Variants in STXBP6 observed in about 807,000 individuals in gnomAD.
STXBP6 encodes syntaxin-binding protein 6.
STXBP6 carries 21 observed loss-of-function variants against 26.9 expected under a neutral mutation model. The ratio of observed to expected loss-of-function variants is 0.78; its 90% CI spans 0.55 to 1.12. The LOEUF is 1.12. Ranked by LOEUF, STXBP6 falls within the 50% of genes most tolerant of loss-of-function variation. The pLI is 0.00. For synonymous variants in STXBP6, 97 were observed against 92.6 expected (o/e 1.05, Z -0.27); for missense variants, 232 against 257.9 (o/e 0.90, Z 0.69).
intron 5 of STXBP6, chr14:24,817,809 A>G (rs1274205414): frequency 3.1e-6 from 1 of 326,832 alleles, no homozygotes; most frequent in African/African-American, 2.2e-5. Context: ...AGATCTAGCC[A>G]ATTCTCCTTG....
chr14:24,817,148 A>T (rs983650852), intron 5 of STXBP6: 1 of 152,202 alleles, frequency 6.6e-6, no homozygotes, highest in African/African-American at 2.4e-5. Flanking sequence ...ATATTCAAAC[A>T]CAAGATGTTA....
chr14:24,913,474 C>A (rs994058020), intron 2 of STXBP6, among the ~76,000 whole-genome samples: 1 of 152,016 alleles, frequency 6.6e-6, no homozygotes, highest in East Asian at 1.9e-4. Context: ...TATTTGTCAA[C>A]CACAAAAATT....
chr14:24,848,687 G>GA (rs1457076925), intron 4 of STXBP6, among the ~76,000 whole-genome samples: 5 of 150,642 alleles, frequency 3.3e-5, no homozygotes, highest in African/African-American at 7.3e-5. Flanking sequence ...AATGAGCAGT[G>GA]AAAAAAAAAT....
chr14:25,009,146 G>A (rs1260989275), intron 1 of STXBP6, among the ~76,000 whole-genome samples: 3 of 152,108 alleles, frequency 2.0e-5, no homozygotes, highest in African/African-American at 7.2e-5. Flanking sequence ...ACTTCAGAAT[G>A]GTCTCATTCA....
intron 2 of STXBP6, among the ~76,000 whole-genome samples, chr14:24,922,282 C>G (rs531380123): frequency 6.6e-6 from 1 of 152,124 alleles, no homozygotes; most frequent in African/African-American, 2.4e-5. Flanking sequence ...GATGAGAAAA[C>G]TGATGTTTAG....
chr14:24,922,035 G>A (rs527567011), intron 2 of STXBP6, among the ~76,000 whole-genome samples: 8 of 151,678 alleles, frequency 5.3e-5, no homozygotes, highest in Non-Finnish European at 8.8e-5. Context: ...AGGCCTTGCC[G>A]AGACTCCTGT....
At chr14:24,830,751 T>C (rs928684661) in intron 4 of STXBP6, among the ~76,000 whole-genome samples, 1 of 152,052 alleles carries the variant, frequency 6.6e-6, no homozygotes, top group African/African-American at 2.4e-5. Flanking sequence ...AGAATGGGAA[T>C]GGATCATCTG....
chr14:24,908,305 G>C (rs777971030), intron 2 of STXBP6, among the ~76,000 whole-genome samples: 2 of 152,126 alleles, frequency 1.3e-5, no homozygotes, highest in East Asian at 3.9e-4. Flanking sequence ...CCACTTCTGT[G>C]CTTTCACTTG....
intron 4 of STXBP6, among the ~76,000 whole-genome samples, chr14:24,854,193 A>AAG (rs1475114187): frequency 2.0e-5 from 3 of 152,204 alleles, no homozygotes; most frequent in African/African-American, 7.2e-5. Flanking sequence ...TTAAGGGAGG[A>AAG]AGAGGAAGAG....
At chr14:24,812,757 A>C (rs1004290159) in intron 5 of STXBP6, 25 bp from the exon 6 acceptor site, 7 of 1,613,224 alleles carry the variant, frequency 4.3e-6, no homozygotes, top group Non-Finnish European at 5.9e-6. Flanking sequence ...GAATGAGAAA[A>C]GTAAGACTTT....
intron 2 of STXBP6, among the ~76,000 whole-genome samples, chr14:24,936,624 C>T (rs1184831364): frequency 6.6e-6 from 1 of 152,018 alleles, no homozygotes; most frequent in Non-Finnish European, 1.5e-5. Flanking sequence ...GTAAAGAGAC[C>T]CATGAGGAAT....
chr14:25,006,374 G>A (rs942575832), intron 1 of STXBP6, among the ~76,000 whole-genome samples: 1 of 152,132 alleles, frequency 6.6e-6, no homozygotes, highest in African/African-American at 2.4e-5. Context: ...CCCCTTCCAA[G>A]CTTTCTCTTG....
intron 5 of STXBP6, chr14:24,817,942 C>CACTTAGAGCTGGATCCCCAGCTGG: frequency 2.4e-6 from 1 of 414,820 alleles, no homozygotes; most frequent in Non-Finnish European, 4.8e-6. Flanking sequence ...AGGAGTCATC[C>CACTTAGAGCTGGATCCCCAGCTGG]ACTTAGAGCT....
chr14:24,889,583 G>GA (rs888814300), intron 2 of STXBP6, among the ~76,000 whole-genome samples: 17 of 143,440 alleles, frequency 1.2e-4, no homozygotes, highest in Non-Finnish European at 1.7e-4. Flanking sequence ...AATAAAAAAA[G>GA]AAAAAAAAAG....
intron 2 of STXBP6, among the ~76,000 whole-genome samples, chr14:24,937,395 C>G (rs2072641322): frequency 6.6e-6 from 1 of 152,166 alleles, no homozygotes; most frequent in Admixed American, 6.5e-5. Flanking sequence ...TATGATGTTG[C>G]TCTGTTACTA....
At chr14:24,869,294 C>T (rs1023693988) in intron 2 of STXBP6, among the ~76,000 whole-genome samples, 23 of 152,160 alleles carry the variant, frequency 1.5e-4, no homozygotes, top group African/African-American at 5.3e-4. Context: ...ACCTGACTAC[C>T]AAATCCTGCT....
chr14:24,926,160 T>C lies in STXBP6; in HGVS notation c.154+48505A>G, dbSNP rs1391987967. ...TTTCTTTCTTACCACCTTTCTTTCCTGTATAAACAAACAAGCATTATTTGA... is the reference window on the plus strand; with the variant it reads ...TTTCTTTCTTACCACCTTTCTTTCCCGTATAAACAAACAAGCATTATTTGA... On this transcript the variant is annotated intron_variant, in intron 2 of 5. Coordinates refer to ENST00000323944, the MANE Select transcript of STXBP6 (RefSeq NM_001394410.1). Among the ~76,000 whole-genome samples the C allele has an allele frequency of 2.0e-5, 3 of 152,082 alleles. No homozygotes were observed. The East Asian group carries it at 5.8e-4, about 29-fold the overall frequency.
chr14:25,026,590 T>C (rs184423950), intron 1 of STXBP6, among the ~76,000 whole-genome samples: 1 of 152,310 alleles, frequency 6.6e-6, no homozygotes, highest in Non-Finnish European at 1.5e-5. Flanking sequence ...ACCAAGTGAG[T>C]TAGAAAAGCT....
At chr14:25,012,856 T>G (rs2075061345) in intron 1 of STXBP6, among the ~76,000 whole-genome samples, 1 of 152,144 alleles carries the variant, frequency 6.6e-6, no homozygotes, top group African/African-American at 2.4e-5. Flanking sequence ...CTATTAAGGT[T>G]ATATATCAAA....
Sources: allele counts gnomAD v4.1 joint callset (sites outside exome capture counted in the v4.1 genomes callset), GRCh38; gene constraint gnomAD v4.1.1; transcripts MANE v1.5; gene names NCBI Gene and HGNC (gene_info 2026-07-23, HGNC 2026-07-21).